Variants in GXYLT1 observed in about 807,000 individuals in gnomAD.
GXYLT1 encodes glucoside xylosyltransferase 1, also known as glycosyltransferase 8 domain containing 3.
In GXYLT1, 29 loss-of-function variants were observed where a neutral mutation model predicts 54.0. The observed-to-expected ratio is 0.54, with a 90% CI of 0.40 to 0.73. The LOEUF is 0.73. Ranked by LOEUF, GXYLT1 falls within the 30% of genes least tolerant of loss-of-function variation. The pLI is 0.00. For synonymous variants in GXYLT1, 176 were observed against 204.1 expected (o/e 0.86, Z 1.17); for missense variants, 490 against 553.4 (o/e 0.89, Z 1.15).
At chr12:42,094,718 T>C (rs759952326) in intron 7 of GXYLT1, among the ~76,000 whole-genome samples, 5 of 151,808 alleles carry the variant, frequency 3.3e-5, no homozygotes, top group Non-Finnish European at 2.9e-5. Flanking sequence ...CTGAATGGCA[T>C]CAAATACCAT....
intron 1 of GXYLT1, among the ~76,000 whole-genome samples, chr12:42,135,036 T>G (rs1416115593): frequency 6.6e-6 from 1 of 152,246 alleles, no homozygotes; most frequent in Non-Finnish European, 1.5e-5. Flanking sequence ...GGGCCTTGCC[T>G]GCCTGATAAG....
Position 42,087,956 on chromosome 12 carries a change from A to G in GXYLT1, c.1162-9T>C. ...TCATCTTCAAAAGAACACTAGAGAA[A>G]GAAAATTTTAAAAAATAAAAAATTT... On this transcript the variant is annotated splice_polypyrimidine_tract_variant and intron_variant, in intron 7 of 7. Transcript: ENST00000398675. The G allele has an allele frequency of 1.4e-6, 2 of 1,448,048 alleles. No homozygotes were observed. The highest frequency in any genetic ancestry group is 1.9e-6 in the Non-Finnish European group (2 of 1,074,456). 89.7% of individuals were successfully genotyped at this position (1,448,048 alleles called of 1,614,324 possible).
In GXYLT1 at chr12:42,119,098, T is replaced by C. The variant is rs2065514406; in HGVS notation, c.388A>G (p.Thr130Ala). Residue 130 changes from threonine (T) to alanine (A), a missense_variant, in exon 3 of 8, where the codon ACT (threonine) becomes GCT (alanine). Physicochemically the swap from Thr to Ala is moderately conservative, Grantham distance 58 (BLOSUM62 0). Transcript: ENST00000398675. ...VVACGERLEE[T>A]MTMLKSAIIF... ...ATAGCTGACTTCAACATGGTCATAG[T>C]TTCTTCCAGTCTTTCACCACAGGCA... The C allele has an allele frequency of 3.1e-6, 5 of 1,613,788 alleles. No individual in the cohort carries two copies. The African/African-American group carries it at 4.0e-5, about 13-fold the overall frequency.
At chr12:42,123,002 C>T (rs962675004) in intron 2 of GXYLT1, among the ~76,000 whole-genome samples, 14 of 151,996 alleles carry the variant, frequency 9.2e-5, no homozygotes, top group Admixed American at 8.5e-4. Flanking sequence ...AGTAGACAGT[C>T]GGCAAATCAA....
rs551118541 is a variant in GXYLT1 at position 42,118,472 on chromosome 12, G to A, written c.486+528C>T. 9.9e-5 allele frequency among the ~76,000 whole-genome samples: 15 copies of A among 152,240 alleles called. No homozygotes were observed. The South Asian group carries it at 1.0e-3, about 11-fold the overall frequency. ...TCAAAAATGAACCTTCCTCTTTCAC[G>A]TTAGATCTGGACTCAGATGGAAGTG... On this transcript the variant is annotated intron_variant, in intron 3 of 7. Coordinates refer to ENST00000398675, the MANE Select transcript of GXYLT1 (RefSeq NM_173601.2).
intron 2 of GXYLT1, among the ~76,000 whole-genome samples, chr12:42,123,297 T>C (rs1317845999): frequency 6.6e-6 from 1 of 152,214 alleles, no homozygotes; most frequent in Non-Finnish European, 1.5e-5. Context: ...TATGTCCCTG[T>C]TCTTAGGAGA....
chr12:42,097,416 TA>T (rs751614002), intron 7 of GXYLT1, 25 bp downstream of exon 7: 33 of 1,518,678 alleles, frequency 2.2e-5, no homozygotes, highest in East Asian at 7.2e-5. Flanking sequence ...AACAAAAAGT[TA>T]AAAAAAAGGA....
At chr12:42,123,852 CTTTTTT>C (rs2065545468) in intron 2 of GXYLT1, among the ~76,000 whole-genome samples, 1 of 151,550 alleles carries the variant, frequency 6.6e-6, no homozygotes, top group African/African-American at 2.4e-5. Flanking sequence ...AAATGGAAAG[CTTTTTT>C]GCTTAACCTG....
chr12:42,098,612 AAAG>A (rs1300303946), intron 5 of GXYLT1, among the ~76,000 whole-genome samples: 1 of 151,712 alleles, frequency 6.6e-6, no homozygotes, highest in African/African-American at 2.4e-5. Flanking sequence ...GAAGATCAAC[AAAG>A]AAGGAGAAAT....
chr12:42,105,783 A>G, intron 5 of GXYLT1, 35 bp downstream of exon 5: 2 of 1,538,002 alleles, frequency 1.3e-6, no homozygotes, highest in Non-Finnish European at 8.7e-7. Flanking sequence ...AGGTTTTTAG[A>G]GAAATGTTAA....
chr12:42,126,617 G>C (rs2065563954), intron 2 of GXYLT1, among the ~76,000 whole-genome samples: 1 of 152,110 alleles, frequency 6.6e-6, no homozygotes, highest in Non-Finnish European at 1.5e-5. Flanking sequence ...ATTAGGCCGG[G>C]GGCGGTGGCT....
intron 2 of GXYLT1, among the ~76,000 whole-genome samples, chr12:42,119,548 C>T (rs779683029): frequency 9.2e-5 from 14 of 152,068 alleles, no homozygotes; most frequent in Non-Finnish European, 1.6e-4. Flanking sequence ...TAGGCCAAGT[C>T]TGTAATCCCA....
chr12:42,113,458 CA>C (rs2065472141), intron 3 of GXYLT1, among the ~76,000 whole-genome samples: 2 of 150,382 alleles, frequency 1.3e-5, no homozygotes, highest in Admixed American at 1.3e-4. Flanking sequence ...AAATGGAAAA[CA>C]AAAAAAGGCA....
At chr12:42,106,213 T>C in intron 4 of GXYLT1, 144 bp from the exon 5 acceptor site, 1 of 574,068 alleles carries the variant, frequency 1.7e-6, no homozygotes, top group East Asian at 3.0e-5. Context: ...AAATCTGTCA[T>C]TTTTAACAAT....
chr12:42,125,752 T>C (rs1333597745), intron 2 of GXYLT1, among the ~76,000 whole-genome samples: 1 of 152,214 alleles, frequency 6.6e-6, no homozygotes, highest in Non-Finnish European at 1.5e-5. Flanking sequence ...CAGTAGCTCA[T>C]GCCTGTAATC....
At chr12:42,111,919 G>A (rs747415860) in intron 3 of GXYLT1, among the ~76,000 whole-genome samples, 5 of 152,218 alleles carry the variant, frequency 3.3e-5, no homozygotes, top group Non-Finnish European at 7.3e-5. Context: ...CACACAGCCA[G>A]GTACTCCTCT....
At chr12:42,109,741 G>A (rs766668846) in intron 3 of GXYLT1, 50 bp from the exon 4 acceptor site, 7 of 1,207,176 alleles carry the variant, frequency 5.8e-6, no homozygotes, top group Non-Finnish European at 7.0e-6. Context: ...AATTTTCTCT[G>A]TAAAATCATA....
In GXYLT1 at chr12:42,084,729, A is replaced by G; in HGVS notation, c.*3057T>C. The G allele has an allele frequency of 6.6e-6, 1 of 152,310 alleles. No individual in the cohort carries two copies. Among genetic ancestry groups the G allele is most frequent in the Non-Finnish European group, 1.5e-5 (1 of 68,058 alleles). 9.4% of individuals were successfully genotyped at this position (152,310 alleles called of 1,614,324 possible). ...CAAGATGAGAGAGCAATGAGTAAGCACTAATGTTATTTCAGGGCCTTAAAA... is the reference window on the plus strand; with the variant it reads ...CAAGATGAGAGAGCAATGAGTAAGCGCTAATGTTATTTCAGGGCCTTAAAA... On this transcript the variant is annotated 3_prime_UTR_variant, in exon 8 of 8. Transcript: ENST00000398675.
Position 42,144,702 on chromosome 12 carries a change from G to C in GXYLT1, c.-56C>G. On this transcript the variant is annotated 5_prime_UTR_variant, in exon 1 of 8. Transcript: ENST00000398675. Reference sequence around the variant, plus strand: ...CCGCCGCGCCCGCCCCGACGAACTGGAGCGGAGGGAGGGGCACCGCGCAGC... The same window carrying C: ...CCGCCGCGCCCGCCCCGACGAACTGCAGCGGAGGGAGGGGCACCGCGCAGC... The C allele has an allele frequency of 8.8e-7, 1 of 1,140,964 alleles. No homozygotes were observed. Among genetic ancestry groups the C allele is most frequent in the South Asian group, 1.7e-5 (1 of 58,542 alleles). The allele number at this position is 1,140,964 out of a possible 1,614,324, so 70.7% of individuals were successfully genotyped here. A position where few individuals can be genotyped will look rare whatever the true frequency, so the allele number is the denominator to read the frequency against.
Sources: allele counts gnomAD v4.1 joint callset (sites outside exome capture counted in the v4.1 genomes callset), GRCh38; gene constraint gnomAD v4.1.1; transcripts MANE v1.5; gene names NCBI Gene and HGNC (gene_info 2026-07-23, HGNC 2026-07-21).